CLCN7: variants seen among roughly 807,000 people sequenced by gnomAD.
The protein encoded by CLCN7 is H(+)/Cl(-) exchange transporter 7.
A neutral mutation model predicts 102.1 loss-of-function variants in CLCN7; 60 were observed. The ratio of observed to expected loss-of-function variants is 0.59; its 90% CI spans 0.48 to 0.73. The LOEUF is 0.73. Ranked by LOEUF, CLCN7 falls within the 30% of genes least tolerant of loss-of-function variation. The pLI, the probability that CLCN7 is intolerant of heterozygous loss-of-function variation, is 0.00. For missense variants in CLCN7, 962 were observed against 1,125.7 expected, an observed-to-expected ratio of 0.85 and a Z score of 2.08; for synonymous variants, 560 against 490.5, an observed-to-expected ratio of 1.14 and a Z score of -1.87.
At position 1,459,220 on chromosome 16, in the gene CLCN7, C is replaced by T. The variant is rs202076159; in HGVS notation, c.595-33G>A. ...AGGGGAAGCACGGCTGAGTGGGTCA[C>T]GGCCAGGCTGAGACAGATGCAGCCC... On this transcript the variant is annotated intron_variant, in intron 6 of 24. Transcript: ENST00000382745. 5.4e-5 allele frequency: 85 copies of T among 1,570,232 alleles called. No homozygotes were observed. In the East Asian group the frequency reaches 9.6e-4, roughly 18 times the overall value.
At chr16:1,452,452 C>G in intron 15 of CLCN7, 1 of 443,298 alleles carries the variant, frequency 2.3e-6, no homozygotes, top group Admixed American at 3.7e-5. Flanking sequence ...TCTCCTGGGT[C>G]CACATCTATG....
intron 21 of CLCN7, 70 bp from the exon 22 acceptor site, chr16:1,447,784 G>A: frequency 6.7e-7 from 1 of 1,493,166 alleles, no homozygotes; most frequent in Non-Finnish European, 9.1e-7. Flanking sequence ...GCTGTGTCGG[G>A]CCCCGCTCTG....
intron 1 of CLCN7, among the ~76,000 whole-genome samples, chr16:1,465,700 A>C (rs2038995855): frequency 6.6e-6 from 1 of 152,184 alleles, no homozygotes; most frequent in South Asian, 2.1e-4. Context: ...CATCCTGCCC[A>C]ACCCTGCTCC....
Position 1,474,957 on chromosome 16 carries a change from C to A in CLCN7, c.18G>T (p.Lys6Asn). 6.7e-7 allele frequency: 1 copy of A among 1,489,958 alleles called. No homozygotes were observed. The highest frequency in any genetic ancestry group is 1.3e-5 in the South Asian group (1 of 79,558). 92.3% of individuals were successfully genotyped at this position (1,489,958 alleles called of 1,614,324 possible). The change falls in exon 1 of 25, where the codon AAG (lysine) becomes AAT (asparagine). Residue 6 changes from lysine to asparagine, a missense_variant. This residue lies in a region of CLCN7 where 163 missense variants were observed against 137.7 expected (regional missense o/e 1.18). Transcript: ENST00000382745. MANVS[K>N]KVSWSGRDRD... Reference sequence around the variant, plus strand: ...GGTCCCGGCCGGACCAGGACACCTTCTTAGAGACGTTGGCCATGGCCCGCC... The same window carrying A: ...GGTCCCGGCCGGACCAGGACACCTTATTAGAGACGTTGGCCATGGCCCGCC...
At position 1,448,947 on chromosome 16, in the gene CLCN7, C is replaced by G; in HGVS notation, c.1797+19G>C. 1 of 1,611,840 alleles carries G rather than the reference C, an allele frequency of 6.2e-7. No individual in the cohort carries two copies. The highest frequency in any genetic ancestry group is 8.5e-7 in the Non-Finnish European group (1 of 1,179,976). On this transcript the variant is annotated intron_variant, in intron 19 of 24. Transcript: ENST00000382745. ...CAGCACCCACGCTCTCAGGGTGAGG[C>G]TTCGAGGCCCTGGCGCACCTCAATG...
chr16:1,462,529 C>T (rs1366759348), intron 2 of CLCN7, among the ~76,000 whole-genome samples: 1 of 151,648 alleles, frequency 6.6e-6, no homozygotes, highest in African/African-American at 2.4e-5. Flanking sequence ...GTGTGCACCA[C>T]CACGCCTGGC....
intron 15 of CLCN7, 94 bp downstream of exon 15, chr16:1,452,661 T>G (rs1403624831): frequency 7.4e-7 from 1 of 1,353,886 alleles, no homozygotes. Context: ...CTCGGCGGGG[T>G]GGGCAGCCCT....
At chr16:1,451,749 G>C (rs753288093) in intron 15 of CLCN7, 33 bp from the exon 16 acceptor site, 4 of 1,572,602 alleles carry the variant, frequency 2.5e-6, no homozygotes, top group Non-Finnish European at 3.5e-6. Flanking sequence ...ACGTTGGGAG[G>C]GGAGATGAGC....
intron 7 of CLCN7, among the ~76,000 whole-genome samples, chr16:1,458,206 C>T (rs1166062912): frequency 2.6e-5 from 4 of 152,240 alleles, no homozygotes; most frequent in Non-Finnish European, 4.4e-5. Context: ...CTCCCCGCCC[C>T]CAGGGGCCTC....
chr16:1,456,154 C>T lies in CLCN7; in HGVS notation c.875G>A (p.Gly292Glu). The stretch of plus-strand genomic sequence containing the variant: ...CGCCGCTGACACTCCGGCCGCAGCC[C>T]CTGCGGAGACGAAGTCCCGCTTCTC... The part of the protein sequence containing the change: ...DTEKRDFVSA[G>E]AAAGVSAAFG... The change falls in exon 10 of 25, where the codon GGG (glycine) becomes GAG (glutamate). Residue 292 changes from glycine (G) to glutamate (E), a missense_variant. Coordinates refer to ENST00000382745, the MANE Select transcript of CLCN7 (RefSeq NM_001287.6). The T allele has an allele frequency of 6.4e-7, 1 of 1,566,328 alleles. No individual in the cohort carries two copies. The highest frequency in any genetic ancestry group is 2.4e-5 in the East Asian group (1 of 41,976).
Position 1,448,770 on chromosome 16 carries a change from C to A in CLCN7, c.1798-4G>T, listed in dbSNP as rs200599947. 4.1e-4 allele frequency: 662 copies of A among 1,610,402 alleles called. 1 individual carries two copies. Among genetic ancestry groups the A allele is most frequent in the Non-Finnish European group, 5.4e-4 (632 of 1,179,858 alleles). On this transcript the variant is annotated splice_region_variant and splice_polypyrimidine_tract_variant and intron_variant, in intron 19 of 24. Coordinates refer to ENST00000382745, the MANE Select transcript of CLCN7 (RefSeq NM_001287.6). ...GAATGTGCATGTCGTACAGGCCCTGCGGGCGGGGCGGGAACACAGGGCTTG... is the reference window on the plus strand; with the variant it reads ...GAATGTGCATGTCGTACAGGCCCTGAGGGCGGGGCGGGAACACAGGGCTTG...
At position 1,451,612 on chromosome 16, in the gene CLCN7, C is replaced by T. The variant is rs2038752572; in HGVS notation, c.1447+11G>A. 6.2e-7 allele frequency: 1 copy of T among 1,609,068 alleles called. No individual in the cohort carries two copies. Among genetic ancestry groups the T allele is most frequent in the African/African-American group, 1.3e-5 (1 of 74,882 alleles). On this transcript the variant is annotated intron_variant, in intron 16 of 24. Transcript: ENST00000382745. ...TCCCAGGGCCTGCCCAGCGGCACTG[C>T]CCACACACACCTGGCGGGTCGTGGA...
At chr16:1,460,733 C>T (rs773518106) in intron 5 of CLCN7, 83 bp downstream of exon 5, 21 of 1,603,844 alleles carry the variant, frequency 1.3e-5, no homozygotes, top group South Asian at 2.2e-5. Context: ...CACTGGAACA[C>T]GCTGGGCTCA....
rs1458876691 is a variant in CLCN7 at position 1,471,918 on chromosome 16, C to T, written c.141+2916G>A. The T allele has an allele frequency of 3.3e-5, 5 of 152,430 alleles. No homozygotes were observed. The East Asian group carries it at 9.6e-4, about 29-fold the overall frequency. The allele number at this position is 152,430 out of a possible 1,614,324, so 9.4% of individuals were successfully genotyped here. A position where few individuals can be genotyped will look rare whatever the true frequency, so the allele number is the denominator to read the frequency against. ...ATTCAAAGCCTGTTCATGTGCGCAGCAGGGCTGACCTCCAGGCTCCACAGC... is the reference window on the plus strand; with the variant it reads ...ATTCAAAGCCTGTTCATGTGCGCAGTAGGGCTGACCTCCAGGCTCCACAGC... On this transcript the variant is annotated intron_variant, in intron 1 of 24. Coordinates refer to ENST00000382745, the MANE Select transcript of CLCN7 (RefSeq NM_001287.6).
chr16:1,446,228 G>A lies in CLCN7; in HGVS notation c.*403C>T, dbSNP rs1002299038. On this transcript the variant is annotated 3_prime_UTR_variant, in exon 25 of 25. Transcript: ENST00000382745. Reference sequence around the variant, plus strand: ...TGTGGAGGCAGAGGGGCCCTTCCAGGGCAGGGCAGCCCTCGGGGCAGCAGC... The same window carrying A: ...TGTGGAGGCAGAGGGGCCCTTCCAGAGCAGGGCAGCCCTCGGGGCAGCAGC... The A allele has an allele frequency of 1.4e-5, 9 of 647,398 alleles. No individual in the cohort carries two copies. The highest frequency in any genetic ancestry group is 4.0e-4 in the Middle Eastern group (1 of 2,492). 40.1% of individuals were successfully genotyped at this position (647,398 alleles called of 1,614,324 possible).
Position 1,455,201 on chromosome 16 carries a change from A to G in CLCN7, c.1031T>C (p.Ile344Thr). Reference protein sequence around the residue: ...STFTLNFVLSIYHGNMWDLSS... With the variant: ...STFTLNFVLSTYHGNMWDLSS... Reference sequence around the variant, plus strand: ...CAGGTCCCACATGTTCCCGTGGTAAATGCTCAGAACAAAATTCAGGGTGAA... The same window carrying G: ...CAGGTCCCACATGTTCCCGTGGTAAGTGCTCAGAACAAAATTCAGGGTGAA... The change falls in exon 12 of 25, where the codon ATT becomes ACT. Residue 344 changes from isoleucine (I) to threonine (T), a missense_variant. By Grantham distance (89) the Ile-to-Thr change is moderately conservative (BLOSUM62 -1). Coordinates refer to ENST00000382745, the MANE Select transcript of CLCN7 (RefSeq NM_001287.6). 6.2e-7 allele frequency: 1 copy of G among 1,613,974 alleles called. No individual in the cohort carries two copies. Among genetic ancestry groups the G allele is most frequent in the Non-Finnish European group, 8.5e-7 (1 of 1,179,936 alleles).
Position 1,474,987 on chromosome 16 carries a change from A to G in CLCN7, c.-13T>C. 1 of 1,469,438 alleles carries G rather than the reference A, an allele frequency of 6.8e-7. No individual in the cohort carries two copies. The highest frequency in any genetic ancestry group is 9.0e-7 in the Non-Finnish European group (1 of 1,112,452). The allele number at this position is 1,469,438 out of a possible 1,614,324, so 91.0% of individuals were successfully genotyped here. Reference sequence around the variant, plus strand: ...AGACGTTGGCCATGGCCCGCCGCGGAGCGACACCGGCCGGGAAGCGCCGGC... The same window carrying G: ...AGACGTTGGCCATGGCCCGCCGCGGGGCGACACCGGCCGGGAAGCGCCGGC... On this transcript the variant is annotated 5_prime_UTR_variant, in exon 1 of 25. Transcript: ENST00000382745.
In CLCN7 at chr16:1,474,874, G is replaced by T; in HGVS notation, c.101C>A (p.Thr34Lys). The T allele has an allele frequency of 4.2e-6, 6 of 1,443,906 alleles. No homozygotes were observed. The South Asian group carries it at 8.0e-5, about 19-fold the overall frequency. The allele number at this position is 1,443,906 out of a possible 1,614,324, so 89.4% of individuals were successfully genotyped here. A position where few individuals can be genotyped will look rare whatever the true frequency, so the allele number is the denominator to read the frequency against. The change falls in exon 1 of 25, where the codon ACG (threonine) becomes AAG (lysine). Residue 34 changes from threonine to lysine, a missense_variant. By Grantham distance (78) the Thr-to-Lys change is moderately conservative. Around this residue, in one of 2 missense-constraint regions of CLCN7, gnomAD observed 163 missense variants for 137.7 expected, o/e 1.18. Transcript: ENST00000382745. ...LRRTARPGGGTPLLNGAGPGA... is the reference protein window; with the variant it reads ...LRRTARPGGGKPLLNGAGPGA... The stretch of plus-strand genomic sequence containing the variant: ...AGGCCCAGCCCCGTTCAGCAGCGGC[G>T]TCCCCCCGCCGGGCCGCGCCGTCCT...
Position 1,474,779 on chromosome 16 carries a change from G to A in CLCN7, c.141+55C>T, listed in dbSNP as rs964948678. On this transcript the variant is annotated intron_variant, in intron 1 of 24. Transcript: ENST00000382745. ...CCGCCAGAAGGCTCACGAGGGCGCG[G>A]GCTGCGGGGCGCACGAGGGCTCAGT... The A allele has an allele frequency of 4.1e-6, 5 of 1,226,948 alleles. No homozygotes were observed. In the Admixed American group the frequency reaches 1.8e-4, roughly 44 times the overall value. 76.0% of individuals were successfully genotyped at this position (1,226,948 alleles called of 1,614,324 possible). A position where few individuals can be genotyped will look rare whatever the true frequency, so the allele number is the denominator to read the frequency against.
Sources: gnomAD v4.1 joint callset for allele counts (sites outside exome capture counted in the v4.1 genomes callset) on GRCh38, gnomAD v4.1.1 for gene constraint, gnomAD v4.1.1 regional missense constraint, MANE v1.5 for transcripts, NCBI Gene and HGNC (gene_info 2026-07-23, HGNC 2026-07-21) for gene names.